Variants in ELOA observed in about 807,000 individuals in gnomAD.
The protein encoded by ELOA is elongin A.
A neutral mutation model predicts 85.2 loss-of-function variants in ELOA; 15 were observed. The observed-to-expected ratio is 0.18, with a 90% CI of 0.12 to 0.27. The LOEUF (loss-of-function observed/expected upper bound fraction) is 0.27. Ranked by LOEUF, ELOA falls within the 10% of genes least tolerant of loss-of-function variation. The pLI is 1.00. For missense variants in ELOA, 769 were observed against 952.7 expected, an observed-to-expected ratio of 0.81 and a Z score of 2.54; for synonymous variants, 348 against 357.2, an observed-to-expected ratio of 0.97 and a Z score of 0.29.
rs137880536 is a variant in ELOA at position 23,758,068 on chromosome 1, A to G, written c.2257+943A>G. On this transcript the variant is annotated intron_variant, in intron 10 of 10. Coordinates refer to ENST00000613537, the MANE Select transcript of ELOA (RefSeq NM_003198.3). ...AATAAATAAATAAATATCATTGTGA[A>G]TGACCATTTTGGCACTCTTCTTTTT... 3.5e-3 allele frequency among the ~76,000 whole-genome samples: 529 copies of G among 151,634 alleles called. 5 individuals carry two copies. Among genetic ancestry groups the G allele is most frequent in the African/African-American group, 0.012 (504 of 41,384 alleles).
intron 10 of ELOA, among the ~76,000 whole-genome samples, chr1:23,758,247 A>ATTTTTTTTT (rs1338294015): frequency 7.0e-5 from 4 of 56,780 alleles, no homozygotes; most frequent in East Asian, 1.4e-3. Flanking sequence ...GGGTCTTCCA[A>ATTTTTTTTT]TTTATTTATT....
In ELOA at chr1:23,747,258, G is replaced by A. The variant is rs559922371; in HGVS notation, c.76-1763G>A. Among the ~76,000 whole-genome samples the A allele has an allele frequency of 2.6e-5, 4 of 152,346 alleles. No individual in the cohort carries two copies. In the South Asian group the frequency reaches 6.2e-4, roughly 24 times the overall value. ...AAGTATGCTAAGAAGTATATGTGCT[G>A]CCGCTCTATTTTCATTTCCTAAGGA... On this transcript the variant is annotated intron_variant, in intron 1 of 10. Coordinates refer to ENST00000613537, the MANE Select transcript of ELOA (RefSeq NM_003198.3).
In ELOA at chr1:23,743,512, G is replaced by A; in HGVS notation, c.9G>A (p.Ala3=). Residue 3 remains alanine (A), a synonymous_variant, in exon 1 of 11, where the codon GCG becomes GCA. Coordinates refer to ENST00000613537, the MANE Select transcript of ELOA (RefSeq NM_003198.3). The stretch of plus-strand genomic sequence containing the variant: ...CCGCGCCAGTGACAGCGATGGCGGC[G>A]GAGTCGGCGCTCCAAGTTGTGGAGA... MA[A]ESALQVVEKL... The A allele has an allele frequency of 6.6e-7, 1 of 1,504,930 alleles. No individual in the cohort carries two copies. Among genetic ancestry groups the A allele is most frequent in the African/African-American group, 1.4e-5 (1 of 69,330 alleles). The allele number at this position is 1,504,930 out of a possible 1,614,324, so 93.2% of individuals were successfully genotyped here.
In ELOA at chr1:23,751,044, C is replaced by T. The variant is rs749893035; in HGVS notation, c.439C>T (p.His147Tyr). Residue 147 changes from histidine to tyrosine, a missense_variant, in exon 4 of 11, where the codon CAC becomes TAC. Physicochemically the swap from His to Tyr is moderately conservative, Grantham distance 83 (BLOSUM62 2). This residue lies in a region of ELOA where 440 missense variants were observed against 474.0 expected (regional missense o/e 0.93). Coordinates refer to ENST00000613537, the MANE Select transcript of ELOA (RefSeq NM_003198.3). ...SELERPHKVS[H>Y]GHERRDERKR... is the part of the protein sequence containing the mutation. ...GCTCGAGAGACCTCACAAAGTGTCTCACGGTCATGAGAGGAGAGATGAGAG... is the reference window on the plus strand; with the variant it reads ...GCTCGAGAGACCTCACAAAGTGTCTTACGGTCATGAGAGGAGAGATGAGAG... 2 of 1,613,990 alleles carry T rather than the reference C, an allele frequency of 1.2e-6. No individual in the cohort carries two copies. Among genetic ancestry groups the T allele is most frequent in the Middle Eastern group, 1.6e-4 (1 of 6,084 alleles).
rs1422069532 is a variant in ELOA at position 23,751,885 on chromosome 1, C to T, written c.1280C>T (p.Ser427Leu). The T allele has an allele frequency of 6.2e-7, 1 of 1,613,864 alleles. No individual in the cohort carries two copies. Among genetic ancestry groups the T allele is most frequent in the Admixed American group, 1.7e-5 (1 of 59,970 alleles). ...AAAAAGAAAAAGATTGTGAAAACTTCAGCCACGGCACTTGGAGATAAAGGA... is the reference window on the plus strand; with the variant it reads ...AAAAAGAAAAAGATTGTGAAAACTTTAGCCACGGCACTTGGAGATAAAGGA... ...RKKKKKIVKT[S>L]ATALGDKGLK... The change falls in exon 4 of 11, where the codon TCA becomes TTA. Residue 427 changes from serine to leucine, a missense_variant. Ser to Leu is a moderately radical substitution (Grantham distance 145, BLOSUM62 -2). This residue lies in a region of ELOA where 193 missense variants were observed against 278.9 expected (regional missense o/e 0.69). Coordinates refer to ENST00000613537, the MANE Select transcript of ELOA (RefSeq NM_003198.3).
chr1:23,746,805 A>G (rs1370170535), intron 1 of ELOA, among the ~76,000 whole-genome samples: 1 of 152,188 alleles, frequency 6.6e-6, no homozygotes, highest in Non-Finnish European at 1.5e-5. Flanking sequence ...GCCTGTTACC[A>G]GTTCTTACAA....
chr1:23,746,928 G>T (rs905178070), intron 1 of ELOA, among the ~76,000 whole-genome samples: 9 of 152,212 alleles, frequency 5.9e-5, no homozygotes, highest in African/African-American at 1.9e-4. Context: ...ACTGAAAATA[G>T]AGGGGTTGTG....
intron 2 of ELOA, among the ~76,000 whole-genome samples, chr1:23,749,386 C>T (rs2294495): frequency 0.25 from 38,562 of 152,128 alleles, 5,453 homozygotes; most frequent in Non-Finnish European, 0.32. Flanking sequence ...CTGGAAACCA[C>T]TGAATTATGT....
At chr1:23,749,730 T>C in intron 2 of ELOA, 112 bp from the exon 3 acceptor site, 1 of 850,868 alleles carries the variant, frequency 1.2e-6, no homozygotes, top group Non-Finnish European at 1.8e-6. Context: ...CAGGGTATGT[T>C]GTAGGAAGGA....
At position 23,744,001 on chromosome 1, in the gene ELOA, G is replaced by A. The variant is rs565658440; in HGVS notation, c.75+423G>A. On this transcript the variant is annotated intron_variant, in intron 1 of 10. Transcript: ENST00000613537. ...GAGCGGCGCGGACTCCCCAGCGGGT[G>A]CGTGTTCGCTGGGAGGAGAAGACGG... The A allele has an allele frequency of 1.3e-3, 205 of 157,170 alleles. 1 individual carries two copies. Among genetic ancestry groups the A allele is most frequent in the African/African-American group, 4.1e-3 (170 of 41,814 alleles). The allele number at this position is 157,170 out of a possible 1,614,324, so 9.7% of individuals were successfully genotyped here. A position where few individuals can be genotyped will look rare whatever the true frequency, so the allele number is the denominator to read the frequency against.
chr1:23,753,344 C>A (rs576841585), intron 5 of ELOA, among the ~76,000 whole-genome samples: 1 of 152,002 alleles, frequency 6.6e-6, no homozygotes, highest in African/African-American at 2.4e-5. Flanking sequence ...TGGTATCTGC[C>A]CCATAGGGCT....
At chr1:23,758,617 T>C (rs1374811069) in intron 10 of ELOA, among the ~76,000 whole-genome samples, 4 of 148,682 alleles carry the variant, frequency 2.7e-5, no homozygotes, top group African/African-American at 1.0e-4. Context: ...GCGTCTATTT[T>C]GTATTTTGTT....
Position 23,751,547 on chromosome 1 carries a change from G to A in ELOA, c.942G>A (p.Leu314=). 1.2e-6 allele frequency: 2 copies of A among 1,614,110 alleles called. No individual in the cohort carries two copies. Among genetic ancestry groups the A allele is most frequent in the Non-Finnish European group, 1.7e-6 (2 of 1,180,018 alleles). The change falls in exon 4 of 11, where the codon TTG becomes TTA. Residue 314 remains leucine, a synonymous_variant. Coordinates refer to ENST00000613537, the MANE Select transcript of ELOA (RefSeq NM_003198.3). ...REGSSLKKKC[L]PPSEAASDNH... ...GCAGCAGCCTGAAGAAGAAGTGTTT[G>A]CCTCCCTCAGAGGCCGCTTCAGACA...
rs529523140 is a variant in ELOA, at chr1:23,746,337, G to A, written c.76-2684G>A. Among the ~76,000 whole-genome samples the A allele has an allele frequency of 3.9e-3, 582 of 149,370 alleles. 7 individuals are homozygous for A. The highest frequency in any genetic ancestry group is 0.013 in the African/African-American group (544 of 40,548). ...ACACACACACAGTTGGCCGGGCGCA[G>A]TGGCTCACGCTTGTAATCACAGCAC... is the stretch of plus-strand genomic sequence containing the variant. On this transcript the variant is annotated intron_variant, in intron 1 of 10. Transcript: ENST00000613537.
Position 23,743,566 on chromosome 1 carries a change from G to T in ELOA, c.63G>T (p.Pro21=), listed in dbSNP as rs904640928. 1.3e-6 allele frequency: 2 copies of T among 1,494,214 alleles called. No homozygotes were observed. Among genetic ancestry groups the T allele is most frequent in the Non-Finnish European group, 8.9e-7 (1 of 1,126,970 alleles). The allele number at this position is 1,494,214 out of a possible 1,614,324, so 92.6% of individuals were successfully genotyped here. Reference sequence around the variant, plus strand: ...TGCAGGCGCGCCTGGCCGCGAACCCGGACCCTAAGAAGGTAAGCGAGGGGG... The same window carrying T: ...TGCAGGCGCGCCTGGCCGCGAACCCTGACCCTAAGAAGGTAAGCGAGGGGG... ...EKLQARLAAN[P]DPKKLLKYLK... Residue 21 remains proline, a synonymous_variant, in exon 1 of 11, where the codon CCG becomes CCT. Coordinates refer to ENST00000613537, the MANE Select transcript of ELOA (RefSeq NM_003198.3).
In ELOA at chr1:23,749,142, G is replaced by A. The variant is rs1570590329; in HGVS notation, c.132+65G>A. 3 of 1,374,788 alleles carry A rather than the reference G, an allele frequency of 2.2e-6. No homozygotes were observed. The East Asian group carries it at 6.9e-5, about 32-fold the overall frequency. 85.2% of individuals were successfully genotyped at this position (1,374,788 alleles called of 1,614,324 possible). ...CCATTCCCTTCTCACTGGAGAGTGT[G>A]TAGAATAAGGTTACAAGTATGGGCT... On this transcript the variant is annotated intron_variant, in intron 2 of 10. Transcript: ENST00000613537.
Position 23,759,631 on chromosome 1 carries a change from G to T in ELOA, c.*58G>T, listed in dbSNP as rs1439601738. 5.0e-6 allele frequency: 8 copies of T among 1,585,532 alleles called. No individual in the cohort carries two copies. The Admixed American group carries it at 1.0e-4, about 20-fold the overall frequency. ...GAGGCAGGAATACAAGGACAGTGGG[G>T]GTTGGGGAATGGAATTCTACAGGAG... is the stretch of plus-strand genomic sequence containing the variant. On this transcript the variant is annotated 3_prime_UTR_variant, in exon 11 of 11. Transcript: ENST00000613537.
In ELOA at chr1:23,743,932, C is replaced by T. The variant is rs1209605222; in HGVS notation, c.75+354C>T. On this transcript the variant is annotated intron_variant, in intron 1 of 10. Transcript: ENST00000613537. ...GGGGCGGGAGGGCGCTGGCCGCCGCCTCGTTGGCCTCCCGGTGCCTGCGCT... is the reference window on the plus strand; with the variant it reads ...GGGGCGGGAGGGCGCTGGCCGCCGCTTCGTTGGCCTCCCGGTGCCTGCGCT... The T allele has an allele frequency of 6.7e-5, 12 of 180,178 alleles. No individual in the cohort carries two copies. The Admixed American group carries it at 7.5e-4, about 11-fold the overall frequency. The allele number at this position is 180,178 out of a possible 1,614,324, so 11.2% of individuals were successfully genotyped here. A position where few individuals can be genotyped will look rare whatever the true frequency, so the allele number is the denominator to read the frequency against.
Position 23,752,459 on chromosome 1 carries a change from C to T in ELOA, c.1478C>T (p.Ala493Val). 1 of 1,614,096 alleles carries T rather than the reference C, an allele frequency of 6.2e-7. No individual in the cohort carries two copies. The highest frequency in any genetic ancestry group is 8.5e-7 in the Non-Finnish European group (1 of 1,179,982). ...LPDLPLPAIQ[A>V]NYRPLPSLEL... ...GACCTCCCGTTACCCGCGATACAGGCCAATTACCGTCCACTGCCTTCCCTC... is the reference window on the plus strand; with the variant it reads ...GACCTCCCGTTACCCGCGATACAGGTCAATTACCGTCCACTGCCTTCCCTC... Residue 493 changes from alanine to valine, a missense_variant, in exon 5 of 11, where the codon GCC (alanine) becomes GTC (valine). Physicochemically the swap from Ala to Val is moderately conservative, Grantham distance 64. Around this residue, in one of 4 missense-constraint regions of ELOA, gnomAD observed 193 missense variants for 278.9 expected, o/e 0.69. Coordinates refer to ENST00000613537, the MANE Select transcript of ELOA (RefSeq NM_003198.3).
Sources: allele counts gnomAD v4.1 joint callset (sites outside exome capture counted in the v4.1 genomes callset), GRCh38; gene constraint gnomAD v4.1.1; regional missense constraint gnomAD v4.1.1; transcripts MANE v1.5; gene names NCBI Gene and HGNC (gene_info 2026-07-23, HGNC 2026-07-21).